The following PLCB4 variants were observed in gnomAD, a reference collection of about 807,000 sequenced individuals.
PLCB4 encodes the protein phospholipase C beta 4.
PLCB4 carries 77 observed loss-of-function variants against 178.8 expected under a neutral mutation model. That is an observed-to-expected ratio of 0.43 (90% CI 0.36 to 0.52). The LOEUF is 0.52. PLCB4 is among the 20% of genes least tolerant of loss of function. The probability of loss-of-function intolerance (pLI) is 0.00; values close to 1 mark genes in which losing one functional copy is unlikely to be tolerated. For missense variants in PLCB4, 1,024 were observed against 1,453.4 expected (o/e 0.70, Z 4.80); for synonymous variants, 496 against 490.8 (o/e 1.01, Z -0.14).
intron 9 of PLCB4, chr20:9,370,862 T>A (rs763461883): frequency 1.1e-3 from 182 of 163,308 alleles, no homozygotes; most frequent in Non-Finnish European, 2.1e-3. Flanking sequence ...TGAGCTGAGA[T>A]AGCGCCACTG....
At chr20:9,259,820 A>AC (rs2094279049) in intron 3 of PLCB4, among the ~76,000 whole-genome samples, 1 of 152,146 alleles carries the variant, frequency 6.6e-6, no homozygotes, top group Admixed American at 6.5e-5. Flanking sequence ...AAAAGAATGT[A>AC]GAATACTTCA....
chr20:9,122,697 A>G (rs1037606183), intron 2 of PLCB4, among the ~76,000 whole-genome samples: 1 of 152,154 alleles, frequency 6.6e-6, no homozygotes, highest in African/African-American at 2.4e-5. Flanking sequence ...GAAAGGACCA[A>G]TTTTACTTGC....
chr20:9,180,646 A>C (rs181262068), intron 2 of PLCB4, among the ~76,000 whole-genome samples: 28 of 152,326 alleles, frequency 1.8e-4, no homozygotes, highest in Middle Eastern at 6.8e-3. Context: ...GCTAGAGTGC[A>C]GTCAACCTTG....
intron 25 of PLCB4, among the ~76,000 whole-genome samples, chr20:9,412,878 C>G (rs1056891435): frequency 6.6e-6 from 1 of 152,178 alleles, no homozygotes; most frequent in Non-Finnish European, 1.5e-5. Context: ...GGCTCCCTAC[C>G]CCTTTGAATA....
intron 3 of PLCB4, among the ~76,000 whole-genome samples, chr20:9,233,418 T>C (rs1354697321): frequency 1.3e-5 from 2 of 152,030 alleles, no homozygotes; most frequent in Non-Finnish European, 2.9e-5. Flanking sequence ...CATTTTCTAA[T>C]AGAGGGAAAT....
intron 1 of PLCB4, among the ~76,000 whole-genome samples, chr20:9,070,202 A>G (rs566674446): frequency 9.8e-5 from 15 of 152,354 alleles, no homozygotes; most frequent in African/African-American, 3.1e-4. Flanking sequence ...CAGATTTATA[A>G]TGTAAACATG....
chr20:9,458,177 T>G (rs1159060250), intron 34 of PLCB4, among the ~76,000 whole-genome samples: 1 of 152,124 alleles, frequency 6.6e-6, no homozygotes, highest in Non-Finnish European at 1.5e-5. Context: ...GCCTCATCTA[T>G]CTATATGCAG....
In PLCB4 at chr20:9,478,944, G is replaced by A. The variant is rs760861010; in HGVS notation, c.3556G>A (p.Glu1186Lys). The change falls in exon 40 of 40, where the codon GAA becomes AAA. Residue 1186 changes from glutamate (E) to lysine (K), a missense_variant. By Grantham distance (56) the Glu-to-Lys change is moderately conservative. Around this residue, in one of 7 missense-constraint regions of PLCB4, gnomAD observed 264 missense variants for 283.2 expected, o/e 0.93. Coordinates refer to ENST00000378473, the MANE Select transcript of PLCB4 (RefSeq NM_001377142.1). ...AGGCGAAGGAGATGCAGCAGATGGT[G>A]AAATTGGAAGCCGAGATGGACCGCA... ...TQGEGDAADG[E>K]IGSRDGPQTS... 1 of 1,613,680 alleles carries A rather than the reference G, an allele frequency of 6.2e-7. No homozygotes were observed. Among genetic ancestry groups the A allele is most frequent in the Admixed American group, 1.7e-5 (1 of 59,990 alleles).
chr20:9,146,750 A>G (rs1031989350), intron 2 of PLCB4, among the ~76,000 whole-genome samples: 5 of 152,160 alleles, frequency 3.3e-5, no homozygotes, highest in African/African-American at 1.2e-4. Flanking sequence ...TGCCGGAGCC[A>G]TCTCAGCCTG....
At chr20:9,392,669 A>G (rs898725692) in intron 17 of PLCB4, among the ~76,000 whole-genome samples, 1 of 152,132 alleles carries the variant, frequency 6.6e-6, no homozygotes. Context: ...GCAGGACACA[A>G]ATGTGAACAC....
chr20:9,165,801 G>GTGTA (rs2092961176), intron 2 of PLCB4, among the ~76,000 whole-genome samples: 1 of 146,532 alleles, frequency 6.8e-6, no homozygotes, highest in African/African-American at 2.5e-5. Flanking sequence ...GTTTGTGTGT[G>GTGTA]TGTGTGTGTG....
intron 30 of PLCB4, among the ~76,000 whole-genome samples, chr20:9,440,829 G>C (rs1460572258): frequency 6.6e-6 from 1 of 152,132 alleles, no homozygotes; most frequent in Non-Finnish European, 1.5e-5. Context: ...GAAAGGAAAA[G>C]GTTAAAGGGA....
intron 30 of PLCB4, among the ~76,000 whole-genome samples, chr20:9,442,532 T>C (rs1483692979): frequency 1.3e-5 from 2 of 151,912 alleles, no homozygotes; most frequent in Non-Finnish European, 2.9e-5. Flanking sequence ...AAAAAGAAAA[T>C]AAAAATTGAG....
chr20:9,366,181 G>A (rs1030426178), intron 9 of PLCB4, among the ~76,000 whole-genome samples: 4 of 151,960 alleles, frequency 2.6e-5, no homozygotes, highest in African/African-American at 9.7e-5. Flanking sequence ...CAGGTCAGGA[G>A]ATCAACACCA....
At chr20:9,191,573 A>C (rs925145185) in intron 2 of PLCB4, among the ~76,000 whole-genome samples, 1 of 151,984 alleles carries the variant, frequency 6.6e-6, no homozygotes, top group African/African-American at 2.4e-5. Context: ...TAACACAATC[A>C]GTGGTTAGTT....
At chr20:9,441,716 G>T (rs144453862) in intron 30 of PLCB4, among the ~76,000 whole-genome samples, 3 of 152,166 alleles carry the variant, frequency 2.0e-5, no homozygotes. Flanking sequence ...GAGGGTTCCC[G>T]TGGAAGGGAT....
chr20:9,085,508 G>A (rs1600290721), intron 1 of PLCB4, among the ~76,000 whole-genome samples: 1 of 152,262 alleles, frequency 6.6e-6, no homozygotes, highest in East Asian at 1.9e-4. Context: ...TCATGGTTTT[G>A]TATATCTTAT....
At chr20:9,317,485 ACT>A (rs1306998755) in intron 4 of PLCB4, among the ~76,000 whole-genome samples, 2 of 152,086 alleles carry the variant, frequency 1.3e-5, no homozygotes, top group Non-Finnish European at 2.9e-5. Context: ...GTAGAAGATA[ACT>A]CTATTTCCTG....
chr20:9,412,409 G>A lies in PLCB4; in HGVS notation c.2051+1321G>A, dbSNP rs1168309799. On this transcript the variant is annotated intron_variant, in intron 25 of 39. Transcript: ENST00000378473. The stretch of plus-strand genomic sequence containing the variant: ...GTTCTTGCTGTATTGCCTAGAGCAG[G>A]TGTGTTAGACCCAGAGCCTCTCTTC... Among the ~76,000 whole-genome samples, 3 of 152,240 alleles carry A rather than the reference G, an allele frequency of 2.0e-5. No individual in the cohort carries two copies. The East Asian group carries it at 5.8e-4, about 30-fold the overall frequency.
Sources: gnomAD v4.1 joint callset for allele counts (sites outside exome capture counted in the v4.1 genomes callset) on GRCh38, gnomAD v4.1.1 for gene constraint, gnomAD v4.1.1 regional missense constraint, MANE v1.5 for transcripts, NCBI Gene and HGNC (gene_info 2026-07-23, HGNC 2026-07-21) for gene names.